WWP1: variants seen among roughly 807,000 people sequenced by gnomAD.
The protein encoded by WWP1 is NEDD4-like E3 ubiquitin-protein ligase WWP1.
In WWP1, 49 loss-of-function variants were observed where a neutral mutation model predicts 130.6. That is an observed-to-expected ratio of 0.38 (90% CI 0.30 to 0.48). The LOEUF (loss-of-function observed/expected upper bound fraction) is 0.48, where lower values mean the gene tolerates loss of function less well. Ranked by LOEUF, WWP1 falls within the 20% of genes least tolerant of loss-of-function variation. WWP1 has a pLI of 0.99. For synonymous variants in WWP1, 332 were observed against 367.8 expected (o/e 0.90, Z 1.11); for missense variants, 809 against 1,100.6 (o/e 0.74, Z 3.75).
intron 5 of WWP1, 103 bp from the exon 6 acceptor site, chr8:86,398,239 A>C: frequency 1.5e-6 from 2 of 1,305,162 alleles, no homozygotes; most frequent in Non-Finnish European, 2.1e-6. Flanking sequence ...TTCCTTCCAA[A>C]TGTCAAGTAC....
intron 18 of WWP1, among the ~76,000 whole-genome samples, chr8:86,443,442 G>A (rs182088008): frequency 4.9e-4 from 74 of 152,234 alleles, no homozygotes; most frequent in Admixed American, 2.1e-3. Context: ...AATTTTAAGC[G>A]CTTTGCAGAA....
chr8:86,450,157 T>C (rs1811097135), intron 20 of WWP1, among the ~76,000 whole-genome samples: 1 of 152,192 alleles, frequency 6.6e-6, no homozygotes, highest in Non-Finnish European at 1.5e-5. Context: ...CTTTCAAATT[T>C]ACCCCCTTAG....
At chr8:86,457,246 A>G (rs140956942) in intron 21 of WWP1, among the ~76,000 whole-genome samples, 176 of 152,108 alleles carry the variant, frequency 1.2e-3, no homozygotes, top group African/African-American at 3.8e-3. Context: ...ACAATTTCAC[A>G]TAGTAGAATA....
intron 9 of WWP1, among the ~76,000 whole-genome samples, chr8:86,423,731 T>C (rs1809372975): frequency 6.6e-6 from 1 of 152,144 alleles, no homozygotes; most frequent in South Asian, 2.1e-4. Flanking sequence ...CTCAATGAGC[T>C]GTTTGGTACA....
chr8:86,461,730 A>C (rs760797123), intron 23 of WWP1, 44 bp from the exon 24 acceptor site: 1 of 1,506,696 alleles, frequency 6.6e-7, no homozygotes, highest in Admixed American at 1.7e-5. Context: ...AGAAGAAAAA[A>C]GTTTAAAGGA....
chr8:86,444,944 GGTTT>G (rs1810778268), intron 18 of WWP1, among the ~76,000 whole-genome samples: 1 of 152,094 alleles, frequency 6.6e-6, no homozygotes, highest in South Asian at 2.1e-4. Context: ...AAAGAAAAGG[GGTTT>G]GTTTGACTGT....
At position 86,448,160 on chromosome 8, in the gene WWP1, G is replaced by A; in HGVS notation, c.2011G>A (p.Gly671Arg). 6.4e-7 allele frequency: 1 copy of A among 1,553,932 alleles called. No homozygotes were observed. The highest frequency in any genetic ancestry group is 1.3e-5 in the South Asian group (1 of 78,462). ...TTTTTCTTTGCAGGCACTATTTCATGGAAAGTTTATCGATACTGGTTTCTC... is the reference window on the plus strand; with the variant it reads ...TTTTTCTTTGCAGGCACTATTTCATAGAAAGTTTATCGATACTGGTTTCTC... ...GRFIAMALFH[G>R]KFIDTGFSLP... The change falls in exon 19 of 25, where the codon GGA (glycine) becomes AGA (arginine). Residue 671 changes from glycine (G) to arginine (R), a missense_variant. Physicochemically the swap from Gly to Arg is moderately radical, Grantham distance 125. This residue lies in a region of WWP1 where 450 missense variants were observed against 674.2 expected (regional missense o/e 0.67). Coordinates refer to ENST00000517970, the MANE Select transcript of WWP1 (RefSeq NM_007013.4).
intron 10 of WWP1, among the ~76,000 whole-genome samples, chr8:86,426,849 G>A (rs1809653788): frequency 1.3e-5 from 2 of 152,210 alleles, no homozygotes; most frequent in Non-Finnish European, 2.9e-5. Flanking sequence ...AGCACTGTCA[G>A]TAAATGCTTA....
chr8:86,456,441 C>T (rs572414073), intron 21 of WWP1, among the ~76,000 whole-genome samples: 3 of 152,036 alleles, frequency 2.0e-5, no homozygotes, highest in Non-Finnish European at 4.4e-5. Flanking sequence ...CAAAGGCTTA[C>T]TTCCCAATAG....
chr8:86,402,255 T>TCTG, intron 8 of WWP1, 52 bp downstream of exon 8: 1 of 1,577,708 alleles, frequency 6.3e-7, no homozygotes, highest in Non-Finnish European at 8.6e-7. Flanking sequence ...AAATGAAGTT[T>TCTG]ATGTATCCAT....
chr8:86,343,249 C>T (rs1822335275), intron 1 of WWP1: 1 of 158,498 alleles, frequency 6.3e-6, no homozygotes, highest in East Asian at 1.8e-4. Flanking sequence ...CTTCTCTTCG[C>T]CTTCCTCCAC....
In WWP1 at chr8:86,358,849, T is replaced by G. The variant is rs567667246; in HGVS notation, c.-114-10090T>G. ...AGGGGCCAGACATTGGGCTAGAGGC[T>G]GGAATTACAATGAAGCTTGATAATA... On this transcript the variant is annotated intron_variant, in intron 1 of 24. Coordinates refer to ENST00000517970, the MANE Select transcript of WWP1 (RefSeq NM_007013.4). 1.6e-4 allele frequency among the ~76,000 whole-genome samples: 24 copies of G among 152,122 alleles called. No homozygotes were observed. The South Asian group carries it at 5.0e-3, about 32-fold the overall frequency.
intron 18 of WWP1, among the ~76,000 whole-genome samples, chr8:86,446,961 GA>G (rs1810915289): frequency 6.6e-6 from 1 of 152,190 alleles, no homozygotes; most frequent in Admixed American, 6.5e-5. Flanking sequence ...TTTCCTCTGT[GA>G]AATAGGAAGT....
rs536021357 is a variant in WWP1 at position 86,427,362 on chromosome 8, C to T, written c.1158-281C>T. On this transcript the variant is annotated intron_variant, in intron 10 of 24. Transcript: ENST00000517970. ...TGTATACCTGTGTAACAAACCTGCA[C>T]GTTCTACACATGTATCCCAGAACTT... Among the ~76,000 whole-genome samples, 18 of 149,436 alleles carry T rather than the reference C, an allele frequency of 1.2e-4. No individual in the cohort carries two copies. In the South Asian group the frequency reaches 3.2e-3, roughly 27 times the overall value.
At chr8:86,370,865 T>A (rs1824251690) in intron 2 of WWP1, among the ~76,000 whole-genome samples, 2 of 114,068 alleles carry the variant, frequency 1.8e-5, no homozygotes, top group Admixed American at 1.7e-4. Context: ...CTTTTTTTTT[T>A]TTTTTTTTTT....
At chr8:86,419,197 A>T (rs1166922564) in intron 9 of WWP1, among the ~76,000 whole-genome samples, 1 of 152,212 alleles carries the variant, frequency 6.6e-6, no homozygotes, top group Non-Finnish European at 1.5e-5. Context: ...GGGCACGCAG[A>T]TCACTTGGTC....
chr8:86,440,772 A>G (rs1472669941), intron 17 of WWP1: 1 of 413,378 alleles, frequency 2.4e-6, no homozygotes. Flanking sequence ...CATGTCTGTC[A>G]TCTTTTCTCT....
At position 86,461,945 on chromosome 8, in the gene WWP1, TTAAAG is replaced by T. The variant is rs372791390; in HGVS notation, c.2669+102_2669+106del. Reference sequence around the variant, plus strand: ...AAGATCCAGTATAACTGCTTATTCATTAAAGTAGTCAGAATTTCAATTTTGAGAAC... The same window carrying T: ...AAGATCCAGTATAACTGCTTATTCATTAGTCAGAATTTCAATTTTGAGAAC... On this transcript the variant is annotated intron_variant, in intron 24 of 24. Coordinates refer to ENST00000517970, the MANE Select transcript of WWP1 (RefSeq NM_007013.4). 1.8e-3 allele frequency: 1,618 copies of T among 921,958 alleles called. 3 individuals carry two copies. The highest frequency in any genetic ancestry group is 0.011 in the African/African-American group (668 of 60,534). 57.1% of individuals were successfully genotyped at this position (921,958 alleles called of 1,614,324 possible). A position where few individuals can be genotyped will look rare whatever the true frequency, so the allele number is the denominator to read the frequency against.
At chr8:86,431,043 ATATATTATAAGGGATATATATATG>A (rs1327655928) in intron 12 of WWP1, among the ~76,000 whole-genome samples, 1 of 135,602 alleles carries the variant, frequency 7.4e-6, no homozygotes, top group Non-Finnish European at 1.5e-5. Context: ...TTATATATGT[ATATATTATAAGGGATATATATATG>A]TATATTATAA....
Sources: gnomAD v4.1 joint callset for allele counts (sites outside exome capture counted in the v4.1 genomes callset) on GRCh38, gnomAD v4.1.1 for gene constraint, gnomAD v4.1.1 regional missense constraint, MANE v1.5 for transcripts, NCBI Gene and HGNC (gene_info 2026-07-23, HGNC 2026-07-21) for gene names.